Variants in GAS2 observed in about 807,000 individuals in gnomAD.
GAS2 encodes the protein growth arrest specific 2.
In GAS2, 20 loss-of-function variants were observed where a neutral mutation model predicts 37.5. The observed-to-expected ratio is 0.53, with a 90% CI of 0.37 to 0.77. The LOEUF (loss-of-function observed/expected upper bound fraction) is 0.77. Among genes scored for constraint, GAS2 ranks in the 30% least tolerant of loss-of-function variants. GAS2 has a pLI of 0.00. For missense variants in GAS2, 336 were observed against 373.4 expected, an observed-to-expected ratio of 0.90 and a Z score of 0.82; for synonymous variants, 144 against 132.2, an observed-to-expected ratio of 1.09 and a Z score of -0.61.
chr11:22,805,538 C>A (rs573120526), intron 7 of GAS2, among the ~76,000 whole-genome samples: 1 of 152,168 alleles, frequency 6.6e-6, no homozygotes, highest in African/African-American at 2.4e-5. Context: ...CCTCACCCAC[C>A]AACCACTTCT....
intron 1 of GAS2, among the ~76,000 whole-genome samples, chr11:22,648,872 T>C (rs986871745): frequency 2.6e-5 from 4 of 152,098 alleles, no homozygotes; most frequent in African/African-American, 9.7e-5. Flanking sequence ...ACAGGGACAA[T>C]TTGACTTCAT....
At chr11:22,739,320 A>G (rs2134233634) in intron 5 of GAS2, among the ~76,000 whole-genome samples, 2 of 152,184 alleles carry the variant, frequency 1.3e-5, no homozygotes, top group East Asian at 3.9e-4. Flanking sequence ...CATGCCTGTA[A>G]TCCCAGCACT....
intron 3 of GAS2, among the ~76,000 whole-genome samples, chr11:22,706,301 G>C (rs543931831): frequency 6.6e-6 from 1 of 151,848 alleles, no homozygotes. Context: ...TAGGGTAGTG[G>C]CAGTGGAATG....
intron 3 of GAS2, among the ~76,000 whole-genome samples, chr11:22,703,654 A>C (rs977678770): frequency 4.6e-5 from 7 of 152,170 alleles, no homozygotes; most frequent in Admixed American, 4.6e-4. Context: ...TGTGTGGTCC[A>C]AGGTATGTGG....
At chr11:22,788,042 G>C (rs539414340) in intron 7 of GAS2, among the ~76,000 whole-genome samples, 43 of 152,246 alleles carry the variant, frequency 2.8e-4, no homozygotes, top group Non-Finnish European at 5.3e-4. Flanking sequence ...ACATGAAATG[G>C]TGTGCGTTTC....
chr11:22,658,508 C>T (rs1462544635), intron 1 of GAS2, among the ~76,000 whole-genome samples: 3 of 152,170 alleles, frequency 2.0e-5, no homozygotes, highest in Non-Finnish European at 4.4e-5. Context: ...AACTTCTTCC[C>T]ATCTTTCCCA....
At chr11:22,707,632 C>A (rs1233631279) in intron 3 of GAS2, among the ~76,000 whole-genome samples, 1 of 151,658 alleles carries the variant, frequency 6.6e-6, no homozygotes. Context: ...AAACATGGTG[C>A]AAAAAAATGT....
intron 3 of GAS2, 148 bp from the exon 4 acceptor site, chr11:22,726,144 T>C (rs76952593): frequency 0.027 from 18,935 of 692,976 alleles, 337 homozygotes; most frequent in Non-Finnish European, 0.037. Context: ...GTTAATTGCA[T>C]AGCATTATAT....
At chr11:22,648,404 C>T (rs193114568) in intron 1 of GAS2, among the ~76,000 whole-genome samples, 66 of 152,252 alleles carry the variant, frequency 4.3e-4, no homozygotes, top group Middle Eastern at 3.4e-3. Flanking sequence ...CTTGGTGATG[C>T]GGGCTCTTTT....
intron 7 of GAS2, among the ~76,000 whole-genome samples, chr11:22,806,261 T>A (rs1006589983): frequency 3.9e-5 from 6 of 152,156 alleles, no homozygotes; most frequent in African/African-American, 2.4e-5. Context: ...ATTCTCGTTG[T>A]TGCAAACAAC....
intron 7 of GAS2, among the ~76,000 whole-genome samples, chr11:22,761,435 G>A (rs1018660290): frequency 6.6e-6 from 1 of 152,064 alleles, no homozygotes; most frequent in Non-Finnish European, 1.5e-5. Context: ...CAGCCAGTGG[G>A]GTCACATGTT....
intron 3 of GAS2, among the ~76,000 whole-genome samples, chr11:22,718,273 G>GGT (rs1173303057): frequency 1.3e-5 from 2 of 150,390 alleles, no homozygotes; most frequent in East Asian, 1.9e-4. Context: ...ATATATATAT[G>GGT]GTGTGTGTGT....
At chr11:22,632,760 T>C (rs973614621) in intron 1 of GAS2, among the ~76,000 whole-genome samples, 1 of 152,028 alleles carries the variant, frequency 6.6e-6, no homozygotes, top group Non-Finnish European at 1.5e-5. Flanking sequence ...TTCATTCTTT[T>C]TTTTTTTATT....
rs1001775998 is a variant in GAS2, at chr11:22,737,549, A to G, written c.410-156A>G. ...ACTAATTTAAGCCTTTAGTAGAGCT[A>G]GATGTATTGAGGTATGGGATGGGTT... On this transcript the variant is annotated intron_variant, in intron 4 of 7. Transcript: ENST00000454584. Among the ~76,000 whole-genome samples, 29 of 152,252 alleles carry G rather than the reference A, an allele frequency of 1.9e-4. 1 individual carries two copies. Among genetic ancestry groups the G allele is most frequent in the African/African-American group, 5.8e-4 (24 of 41,550 alleles).
chr11:22,719,626 C>T (rs145493445), intron 3 of GAS2, among the ~76,000 whole-genome samples: 2 of 152,204 alleles, frequency 1.3e-5, no homozygotes, highest in East Asian at 3.9e-4. Context: ...TCTACCTTTT[C>T]ATCCATCCCT....
chr11:22,637,260 T>TA lies in GAS2; in HGVS notation c.-21+11448dup, dbSNP rs541676026. On this transcript the variant is annotated intron_variant, in intron 1 of 5. Transcript: ENST00000528582. Reference sequence around the variant, plus strand: ...ATTAATTATATTAATAGTATACTAATATATTAATTATATTAATAGTATACT... The same window carrying TA: ...ATTAATTATATTAATAGTATACTAATAATATTAATTATATTAATAGTATACT... Among the ~76,000 whole-genome samples the TA allele has an allele frequency of 1.0e-3, 4 of 3,978 alleles. 1 individual carries two copies. The highest frequency in any genetic ancestry group is 1.9e-3 in the African/African-American group (2 of 1,080). 2.6% of individuals were successfully genotyped at this position (3,978 alleles called of 152,430 possible).
At chr11:22,750,213 T>C (rs150029027) in intron 6 of GAS2, among the ~76,000 whole-genome samples, 4 of 152,092 alleles carry the variant, frequency 2.6e-5, no homozygotes, top group East Asian at 3.9e-4. Flanking sequence ...GCTGTGAAAA[T>C]AGGCAGAACT....
At chr11:22,694,222 CA>C (rs1850386899) in intron 3 of GAS2, among the ~76,000 whole-genome samples, 1 of 152,058 alleles carries the variant, frequency 6.6e-6, no homozygotes, top group African/African-American at 2.4e-5. Flanking sequence ...CCCAAGGCCC[CA>C]TGATTAATAA....
intron 2 of GAS2, among the ~76,000 whole-genome samples, chr11:22,681,068 T>C (rs968469635): frequency 1.3e-5 from 2 of 152,240 alleles, no homozygotes; most frequent in Non-Finnish European, 2.9e-5. Context: ...CTGTTAAATA[T>C]GATTATTAGA....
Sources: gnomAD v4.1 joint callset for allele counts (sites outside exome capture counted in the v4.1 genomes callset) on GRCh38, gnomAD v4.1.1 for gene constraint, MANE v1.5 for transcripts, NCBI Gene and HGNC (gene_info 2026-07-23, HGNC 2026-07-21) for gene names.